LMO7: variants seen among roughly 807,000 people sequenced by gnomAD.
The protein encoded by LMO7 is LIM domain only protein 7.
In LMO7, 120 loss-of-function variants were observed where a neutral mutation model predicts 206.5. That is an observed-to-expected ratio of 0.58 (90% CI 0.50 to 0.68). LMO7 has a LOEUF of 0.68. Among genes scored for constraint, LMO7 ranks in the 30% least tolerant of loss-of-function variants. The probability of loss-of-function intolerance (pLI) is 0.00; values close to 1 mark genes in which losing one functional copy is unlikely to be tolerated. For missense variants in LMO7, 1,959 were observed against 1,957.9 expected, an observed-to-expected ratio of 1.00 and a Z score of -0.01; for synonymous variants, 706 against 681.5, an observed-to-expected ratio of 1.04 and a Z score of -0.56.
chr13:75,850,159 G>A (rs957586800), intron 27 of LMO7, among the ~76,000 whole-genome samples: 7 of 152,110 alleles, frequency 4.6e-5, no homozygotes, highest in African/African-American at 1.7e-4. Flanking sequence ...CAGATAGTTC[G>A]TAGGAAAAAG....
At chr13:75,838,229 C>A in intron 20 of LMO7, 33 bp downstream of exon 20, 1 of 1,569,762 alleles carries the variant, frequency 6.4e-7, no homozygotes, top group South Asian at 1.1e-5. Context: ...CATGCACTTT[C>A]ATGGAATTGT....
chr13:75,674,745 G>C (rs905755023), intron 1 of LMO7, among the ~76,000 whole-genome samples: 1 of 152,168 alleles, frequency 6.6e-6, no homozygotes, highest in Non-Finnish European at 1.5e-5. Flanking sequence ...GAATACAATG[G>C]TGTCTCAAAT....
At chr13:75,670,368 C>CTTGTACCCCA (rs899063224) in intron 1 of LMO7, among the ~76,000 whole-genome samples, 1 of 152,096 alleles carries the variant, frequency 6.6e-6, no homozygotes, top group South Asian at 2.1e-4. Context: ...TGGGGATACC[C>CTTGTACCCCA]TTCTGCGAAA....
At chr13:75,805,996 C>A in intron 9 of LMO7, 1 of 1,164,058 alleles carries the variant, frequency 8.6e-7, no homozygotes, top group Non-Finnish European at 1.1e-6. Context: ...TTTAGTAGTT[C>A]TGTTTTTCTC....
At chr13:75,645,871 GTCT>G (rs2036962535) in intron 1 of LMO7, among the ~76,000 whole-genome samples, 1 of 152,138 alleles carries the variant, frequency 6.6e-6, no homozygotes, top group East Asian at 1.9e-4. Context: ...CATCTTCCAT[GTCT>G]TCTTTTCTTT....
intron 4 of LMO7, among the ~76,000 whole-genome samples, chr13:75,771,563 T>TTAAAGACTTTAAAAACAGAAGTTG (rs2049705894): frequency 6.6e-6 from 1 of 152,212 alleles, no homozygotes. Flanking sequence ...AACAGAATTT[T>TTAAAGACTTTAAAAACAGAAGTTG]TAAAGACTTT....
In LMO7 at chr13:75,807,926, C is replaced by A. The variant is rs1358109628; in HGVS notation, c.1643C>A (p.Thr548Asn). 1 of 1,613,988 alleles carries A rather than the reference C, an allele frequency of 6.2e-7. No homozygotes were observed. The highest frequency in any genetic ancestry group is 1.1e-5 in the South Asian group (1 of 91,074). The change falls in exon 10 of 31, where the codon ACT (threonine) becomes AAT (asparagine). Residue 548 changes from threonine to asparagine, a missense_variant. Thr to Asn is a moderately conservative substitution (Grantham distance 65, BLOSUM62 0). Coordinates refer to ENST00000377534, the MANE Select transcript of LMO7 (RefSeq NM_001306080.2). ...CCAGTCCCTTTTCCCGAACCCTGGA[C>A]TCTTCCTCCAGAAATTCAAGCAAAA... ...YHPVPFPEPWTLPPEIQAKFL... is the reference protein window; with the variant it reads ...YHPVPFPEPWNLPPEIQAKFL...
At chr13:75,740,294 T>C (rs976204768) in intron 3 of LMO7, among the ~76,000 whole-genome samples, 1 of 152,148 alleles carries the variant, frequency 6.6e-6, no homozygotes, top group Non-Finnish European at 1.5e-5. Context: ...TGTTGAAGTA[T>C]ACAAAACACT....
chr13:75,716,171 A>T (rs796372467), intron 2 of LMO7, among the ~76,000 whole-genome samples: 43 of 152,256 alleles, frequency 2.8e-4, no homozygotes, highest in African/African-American at 8.4e-4. Context: ...CAGCAATTTT[A>T]AAAAAATCCA....
At chr13:75,812,657 G>A (rs1243986857) in intron 11 of LMO7, among the ~76,000 whole-genome samples, 1 of 152,102 alleles carries the variant, frequency 6.6e-6, no homozygotes, top group African/African-American at 2.4e-5. Flanking sequence ...AAGAGAGTAA[G>A]ACTTTAGCAA....
chr13:75,819,609 G>A, intron 13 of LMO7, 74 bp downstream of exon 13: 2 of 1,367,084 alleles, frequency 1.5e-6, no homozygotes, highest in Non-Finnish European at 1.9e-6. Flanking sequence ...TTTTATGTAA[G>A]TGTAGTGTGA....
At chr13:75,678,524 G>C (rs966875723) in intron 1 of LMO7, among the ~76,000 whole-genome samples, 2 of 152,148 alleles carry the variant, frequency 1.3e-5, no homozygotes, top group Admixed American at 6.5e-5. Context: ...TGTGAGCAAA[G>C]CTCTCAGATG....
intron 1 of LMO7, among the ~76,000 whole-genome samples, chr13:75,672,185 A>G (rs1752012494): frequency 6.6e-6 from 1 of 151,840 alleles, no homozygotes; most frequent in Non-Finnish European, 1.5e-5. Flanking sequence ...GTTACTTGAC[A>G]GTATAGCTTG....
intron 16 of LMO7, 59 bp downstream of exon 16, chr13:75,833,224 G>C: frequency 1.0e-6 from 1 of 1,000,254 alleles, no homozygotes; most frequent in Non-Finnish European, 1.6e-6. Flanking sequence ...TTCATTGTGG[G>C]GTTGGGGACC....
intron 4 of LMO7, among the ~76,000 whole-genome samples, chr13:75,771,663 A>G (rs527413561): frequency 1.8e-5 from 1 of 54,758 alleles, no homozygotes; most frequent in Admixed American, 1.6e-4. Context: ...TGTTAAAAAC[A>G]AACTAAACTG....
chr13:75,733,255 T>G (rs1178916001), intron 3 of LMO7, among the ~76,000 whole-genome samples: 3 of 152,264 alleles, frequency 2.0e-5, no homozygotes, highest in African/African-American at 7.2e-5. Context: ...CAGGCAGGCC[T>G]TCTTGAGCTG....
At chr13:75,828,840 A>G (rs932157589) in intron 15 of LMO7, among the ~76,000 whole-genome samples, 25 of 152,112 alleles carry the variant, frequency 1.6e-4, no homozygotes, top group African/African-American at 6.0e-4. Flanking sequence ...TGGATTATGG[A>G]CTTGATAGAA....
intron 1 of LMO7, among the ~76,000 whole-genome samples, chr13:75,645,212 A>C (rs952415882): frequency 3.9e-5 from 6 of 152,180 alleles, no homozygotes; most frequent in African/African-American, 1.2e-4. Flanking sequence ...AATACATGTC[A>C]TGTTTTTGAT....
intron 28 of LMO7, among the ~76,000 whole-genome samples, chr13:75,854,335 G>A (rs2060746196): frequency 6.6e-6 from 1 of 152,186 alleles, no homozygotes; most frequent in South Asian, 2.1e-4. Flanking sequence ...AGTATATAAA[G>A]TGTGTATCAA....
Sources: allele counts gnomAD v4.1 joint callset (sites outside exome capture counted in the v4.1 genomes callset), GRCh38; gene constraint gnomAD v4.1.1; transcripts MANE v1.5; gene names NCBI Gene and HGNC (gene_info 2026-07-23, HGNC 2026-07-21).